Variants in CFAP299 observed in about 807,000 individuals in gnomAD.
CFAP299 encodes cilia- and flagella-associated protein 299.
Under a neutral mutation model 27.0 loss-of-function variants are expected in CFAP299, and 21 were observed. That is an observed-to-expected ratio of 0.78 (90% confidence interval 0.55 to 1.12). The LOEUF (loss-of-function observed/expected upper bound fraction) is 1.12. CFAP299 is among the 50% of genes most tolerant of loss of function. CFAP299 has a pLI of 0.00. For missense variants in CFAP299, 310 were observed against 276.6 expected, an observed-to-expected ratio of 1.12 and a Z score of -0.86; for synonymous variants, 104 against 98.1, an observed-to-expected ratio of 1.06 and a Z score of -0.36.
chr4:80,738,212 A>G (rs1724029580), intron 3 of CFAP299, among the ~76,000 whole-genome samples: 1 of 152,180 alleles, frequency 6.6e-6, no homozygotes, highest in Admixed American at 6.5e-5. Flanking sequence ...CAGCCATTGG[A>G]TGAAATATTC....
chr4:80,329,068 G>T, the CFAP299 span, among the ~76,000 whole-genome samples: 1 of 151,854 alleles, frequency 6.6e-6, no homozygotes, highest in African/African-American at 2.4e-5. Flanking sequence ...AACAATATAA[G>T]ATTTCTTTTT....
At chr4:80,529,665 A>G (rs747072619) in intron 2 of CFAP299, among the ~76,000 whole-genome samples, 4 of 152,110 alleles carry the variant, frequency 2.6e-5, no homozygotes, top group Non-Finnish European at 5.9e-5. Flanking sequence ...TTTAATTTCT[A>G]TTTTATTTTC....
At chr4:80,576,002 A>G (rs1452454009) in intron 2 of CFAP299, among the ~76,000 whole-genome samples, 1 of 151,182 alleles carries the variant, frequency 6.6e-6, no homozygotes, top group Non-Finnish European at 1.5e-5. Context: ...ACTTGGACAC[A>G]GGAAGGGGAA....
intron 2 of CFAP299, among the ~76,000 whole-genome samples, chr4:80,382,691 G>T (rs897619096): frequency 6.6e-6 from 1 of 152,060 alleles, no homozygotes; most frequent in Non-Finnish European, 1.5e-5. Flanking sequence ...ATAACAGGGT[G>T]TGGAGAAAAG....
chr4:80,582,510 T>C (rs1303580345), intron 2 of CFAP299, among the ~76,000 whole-genome samples: 1 of 151,868 alleles, frequency 6.6e-6, no homozygotes, highest in Non-Finnish European at 1.5e-5. Flanking sequence ...CTCACTATTA[T>C]GTGGTTCAGT....
At chr4:80,381,379 C>CT (rs1724690877) in intron 2 of CFAP299, among the ~76,000 whole-genome samples, 4 of 6,046 alleles carry the variant, frequency 6.6e-4, no homozygotes, top group African/African-American at 7.9e-4. Flanking sequence ...TTAACATATA[C>CT]ATTTTTTTTT....
At chr4:80,712,261 A>G (rs1033303974) in intron 3 of CFAP299, among the ~76,000 whole-genome samples, 8 of 152,208 alleles carry the variant, frequency 5.3e-5, no homozygotes, top group Non-Finnish European at 8.8e-5. Flanking sequence ...CTCCTTAAAT[A>G]CCATCTGAAT....
chr4:80,741,593 C>T (rs1314673163), intron 3 of CFAP299, among the ~76,000 whole-genome samples: 2 of 152,140 alleles, frequency 1.3e-5, no homozygotes, highest in African/African-American at 4.8e-5. Flanking sequence ...CTTTGCTCTC[C>T]TCTTTCTAAT....
At chr4:80,546,089 A>G (rs554250112) in intron 2 of CFAP299, among the ~76,000 whole-genome samples, 20 of 152,198 alleles carry the variant, frequency 1.3e-4, no homozygotes, top group Non-Finnish European at 1.8e-4. Context: ...CATTGAAGGA[A>G]CATATCTCAA....
chr4:80,617,158 T>G (rs1738333377), intron 3 of CFAP299, among the ~76,000 whole-genome samples: 1 of 152,178 alleles, frequency 6.6e-6, no homozygotes, highest in Non-Finnish European at 1.5e-5. Flanking sequence ...AAAGGAATGG[T>G]AATTTAAAAA....
At chr4:80,693,449 A>T (rs976546313) in intron 3 of CFAP299, among the ~76,000 whole-genome samples, 1 of 151,230 alleles carries the variant, frequency 6.6e-6, no homozygotes, top group African/African-American at 2.4e-5. Context: ...TCGCAAGAAC[A>T]AAAAACCAAA....
At chr4:80,671,339 A>G (rs1402508428) in intron 3 of CFAP299, among the ~76,000 whole-genome samples, 2 of 152,062 alleles carry the variant, frequency 1.3e-5, no homozygotes, top group African/African-American at 4.8e-5. Flanking sequence ...GTTGTGTTCC[A>G]TTGGTCTACA....
chr4:80,509,902 G>T (rs1310582364), intron 2 of CFAP299, among the ~76,000 whole-genome samples: 3 of 149,970 alleles, frequency 2.0e-5, no homozygotes, highest in African/African-American at 7.4e-5. Context: ...GCAGTTTTTA[G>T]TTTTTCTCCT....
chr4:80,708,469 G>T (rs1721946569), intron 3 of CFAP299, among the ~76,000 whole-genome samples: 1 of 152,068 alleles, frequency 6.6e-6, no homozygotes, highest in Admixed American at 6.6e-5. Context: ...TTGCTTCAGT[G>T]TATGATTTCC....
the CFAP299 span, among the ~76,000 whole-genome samples, chr4:80,324,789 T>G: frequency 6.6e-6 from 1 of 151,988 alleles, no homozygotes; most frequent in Non-Finnish European, 1.5e-5. Context: ...ATGTTCTGAG[T>G]GGATGTGGAA....
intron 3 of CFAP299, among the ~76,000 whole-genome samples, chr4:80,594,681 T>C (rs1376749832): frequency 3.3e-5 from 5 of 152,210 alleles, no homozygotes; most frequent in Non-Finnish European, 5.9e-5. Context: ...TTGTTTTGTT[T>C]TGCTTTGCTT....
intron 3 of CFAP299, among the ~76,000 whole-genome samples, chr4:80,861,661 A>T (rs1327191204): frequency 6.6e-6 from 1 of 152,104 alleles, no homozygotes; most frequent in Non-Finnish European, 1.5e-5. Flanking sequence ...CAGTTATTTC[A>T]TAACTTTTGT....
At chr4:80,328,400 A>G in the CFAP299 span, among the ~76,000 whole-genome samples, 1 of 152,198 alleles carries the variant, frequency 6.6e-6, no homozygotes, top group South Asian at 2.1e-4. Flanking sequence ...ATATCCAGAG[A>G]ATTGGAGGAC....
At chr4:80,765,416 AAAAAAC>A (rs1725802083) in intron 3 of CFAP299, among the ~76,000 whole-genome samples, 1 of 152,182 alleles carries the variant, frequency 6.6e-6, no homozygotes, top group South Asian at 2.1e-4. Flanking sequence ...TTCCCATAGA[AAAAAAC>A]AGAAACAATG....
Sources: gnomAD v4.1 joint callset for allele counts (sites outside exome capture counted in the v4.1 genomes callset) on GRCh38, gnomAD v4.1.1 for gene constraint, MANE v1.5 for transcripts, NCBI Gene and HGNC (gene_info 2026-07-23, HGNC 2026-07-21) for gene names.